The following NPSR1 variants were observed in gnomAD, a reference collection of about 807,000 sequenced individuals.
NPSR1 encodes neuropeptide S receptor.
A neutral mutation model predicts 46.9 loss-of-function variants in NPSR1; 48 were observed. The ratio of observed to expected loss-of-function variants is 1.02; its 90% CI spans 0.81 to 1.30. The LOEUF is 1.30. Among genes scored for constraint, NPSR1 ranks in the 50% most tolerant of loss-of-function variants. The pLI is 0.00. For missense variants in NPSR1, 450 were observed against 449.5 expected (o/e 1.00, Z -0.01); for synonymous variants, 176 against 168.1 (o/e 1.05, Z -0.36).
chr7:34,827,968 T>G (rs537857979), intron 5 of NPSR1, among the ~76,000 whole-genome samples: 7 of 152,326 alleles, frequency 4.6e-5, no homozygotes, highest in African/African-American at 1.4e-4. Flanking sequence ...AGGATTGATA[T>G]CCAGGTTTTT....
rs192837521 is a variant in NPSR1, at chr7:34,876,055, T to G, written c.1026-2021T>G. ...TACAGCAAACTTTGCCAGGGACTGG[T>G]AGGGATGGTGGGGCAGGGAGAGATG... On this transcript the variant is annotated intron_variant, in intron 8 of 8. Coordinates refer to the NPSR1 transcript ENST00000359791. Among the ~76,000 whole-genome samples, 1,385 of 152,032 alleles carry G rather than the reference T, an allele frequency of 9.1e-3. 14 individuals are homozygous for G. The highest frequency in any genetic ancestry group is 0.022 in the African/African-American group (912 of 41,422).
chr7:34,840,806 G>A (rs531824682), intron 6 of NPSR1, among the ~76,000 whole-genome samples: 16 of 152,210 alleles, frequency 1.1e-4, no homozygotes, highest in South Asian at 2.1e-4. Flanking sequence ...TCCAGAGAGC[G>A]TCACCATAGA....
At chr7:34,810,298 A>G (rs1038031895) in intron 3 of NPSR1, among the ~76,000 whole-genome samples, 1 of 152,244 alleles carries the variant, frequency 6.6e-6, no homozygotes, top group African/African-American at 2.4e-5. Context: ...AAGTTACCTG[A>G]AAAATGTCCA....
rs190155574 is a variant in NPSR1 at position 34,694,899 on chromosome 7, G to A, written c.280+10215G>A. ...TAATTTTTGTATTTTTAGTAGAGACGGGGTTTCACCATGTTGGCCAGGATG... is the reference window on the plus strand; with the variant it reads ...TAATTTTTGTATTTTTAGTAGAGACAGGGTTTCACCATGTTGGCCAGGATG... On this transcript the variant is annotated intron_variant, in intron 2 of 8. Coordinates refer to ENST00000360581, the MANE Select transcript of NPSR1 (RefSeq NM_207172.2). Among the ~76,000 whole-genome samples the A allele has an allele frequency of 2.3e-4, 35 of 152,128 alleles. No individual in the cohort carries two copies. The East Asian group carries it at 4.3e-3, about 19-fold the overall frequency.
chr7:34,851,305 C>CTTT (rs11337710), downstream of NPSR1, among the ~76,000 whole-genome samples: 1 of 135,898 alleles, frequency 7.4e-6, no homozygotes, highest in Admixed American at 7.5e-5. Flanking sequence ...GTCATGTGGG[C>CTTT]TTTTTTTTTT....
chr7:34,698,753 T>C (rs951322386), intron 2 of NPSR1, among the ~76,000 whole-genome samples: 2 of 152,206 alleles, frequency 1.3e-5, no homozygotes, highest in Admixed American at 6.5e-5. Context: ...ACATTTACAA[T>C]GGTTTAGACA....
At chr7:34,766,379 T>C (rs1019726670) in intron 2 of NPSR1, among the ~76,000 whole-genome samples, 6 of 152,246 alleles carry the variant, frequency 3.9e-5, no homozygotes, top group African/African-American at 1.4e-4. Flanking sequence ...TGAAAATTTA[T>C]ATTCACACAA....
At chr7:34,724,303 A>C (rs1023034158) in intron 2 of NPSR1, among the ~76,000 whole-genome samples, 1 of 152,256 alleles carries the variant, frequency 6.6e-6, no homozygotes, top group African/African-American at 2.4e-5. Flanking sequence ...TGCATGTTAT[A>C]TAAGTTTCTC....
At chr7:34,681,748 A>G (rs1346263851) in intron 1 of NPSR1, among the ~76,000 whole-genome samples, 1 of 152,162 alleles carries the variant, frequency 6.6e-6, no homozygotes, top group Non-Finnish European at 1.5e-5. Flanking sequence ...AGTTCTGGAA[A>G]GGTCTCCAGG....
chr7:34,824,817 G>A (rs1014634023), intron 4 of NPSR1, among the ~76,000 whole-genome samples: 6 of 152,068 alleles, frequency 3.9e-5, no homozygotes, highest in Non-Finnish European at 7.3e-5. Flanking sequence ...AGCACAGGGG[G>A]CAGCTACTAA....
intron 8 of NPSR1, among the ~76,000 whole-genome samples, chr7:34,868,458 C>A (rs1300743907): frequency 2.6e-5 from 4 of 151,624 alleles, no homozygotes; most frequent in Non-Finnish European, 5.9e-5. Context: ...AAAAAGTAAG[C>A]CCCAAAGTCA....
chr7:34,677,587 C>T (rs1039791667), intron 1 of NPSR1, among the ~76,000 whole-genome samples: 8 of 152,190 alleles, frequency 5.3e-5, no homozygotes, highest in Non-Finnish European at 1.2e-4. Context: ...TCCCTATTCC[C>T]TTCCACCTGC....
intron 3 of NPSR1, among the ~76,000 whole-genome samples, chr7:34,780,243 A>T (rs35023395): frequency 0.036 from 5,441 of 152,232 alleles, 321 homozygotes; most frequent in African/African-American, 0.12. Context: ...GGAAGTAAGG[A>T]TTATTTTCGA....
chr7:34,772,882 T>C (rs936835796), intron 2 of NPSR1, among the ~76,000 whole-genome samples: 4 of 152,136 alleles, frequency 2.6e-5, no homozygotes, highest in African/African-American at 9.7e-5. Flanking sequence ...TCACTACCAA[T>C]CACTCTTGCC....
At chr7:34,850,550 G>A (rs1197806262), downstream of NPSR1, among the ~76,000 whole-genome samples, 4 of 152,150 alleles carry the variant, frequency 2.6e-5, no homozygotes, top group Non-Finnish European at 4.4e-5. Context: ...ACAGGTGCCC[G>A]CCACCACGCC....
chr7:34,848,766 G>C, intron 8 of NPSR1, 103 bp downstream of exon 8: 1 of 1,029,616 alleles, frequency 9.7e-7, no homozygotes, highest in Non-Finnish European at 1.4e-6. Context: ...CAGGTTACAG[G>C]ATCCCCCTTT....
chr7:34,783,438 T>G (rs1304063472), intron 3 of NPSR1, among the ~76,000 whole-genome samples: 1 of 152,080 alleles, frequency 6.6e-6, no homozygotes, highest in African/African-American at 2.4e-5. Context: ...CCTCCATGAT[T>G]TAATTACCTC....
chr7:34,679,710 A>G (rs758141172), intron 1 of NPSR1, among the ~76,000 whole-genome samples: 3 of 152,180 alleles, frequency 2.0e-5, no homozygotes, highest in Non-Finnish European at 4.4e-5. Flanking sequence ...GTAATTGAAG[A>G]TGAAATAGAC....
intron 3 of NPSR1, chr7:34,779,737 T>C (rs1008164852): frequency 2.8e-6 from 1 of 361,190 alleles, no homozygotes; most frequent in Non-Finnish European, 4.9e-6. Context: ...TGCTTCCTTG[T>C]AAATAAATGC....
Sources: gnomAD v4.1 joint callset for allele counts (sites outside exome capture counted in the v4.1 genomes callset) on GRCh38, gnomAD v4.1.1 for gene constraint, MANE v1.5 for transcripts, NCBI Gene and HGNC (gene_info 2026-07-23, HGNC 2026-07-21) for gene names.